The following TMEM178B variants were observed in gnomAD, a reference collection of about 807,000 sequenced individuals.
TMEM178B encodes transmembrane protein 178B.
Under a neutral mutation model 31.0 loss-of-function variants are expected in TMEM178B, and 5 were observed. The observed-to-expected ratio is 0.16, with a 90% CI of 0.08 to 0.34. TMEM178B has a LOEUF of 0.34. Ranked by LOEUF, TMEM178B falls within the 10% of genes least tolerant of loss-of-function variation. The pLI is 1.00. For synonymous variants in TMEM178B, 164 were observed against 164.0 expected (o/e 1.00, Z 0.00); for missense variants, 275 against 400.3 (o/e 0.69, Z 2.67).
intron 1 of TMEM178B, among the ~76,000 whole-genome samples, chr7:141,120,170 G>A (rs1795386299): frequency 6.6e-6 from 1 of 152,176 alleles, no homozygotes; most frequent in African/African-American, 2.4e-5. Flanking sequence ...AGCCCTGCAT[G>A]GAGTCTCAAC....
chr7:141,481,339 A>G (rs138202191), downstream of TMEM178B, among the ~76,000 whole-genome samples: 1,611 of 152,288 alleles, frequency 0.011, 27 homozygotes, highest in African/African-American at 0.037. Flanking sequence ...GGAATAGACA[A>G]TTCCCCAAAC....
intron 2 of TMEM178B, among the ~76,000 whole-genome samples, chr7:141,370,429 A>G (rs1800095599): frequency 6.6e-6 from 1 of 152,172 alleles, no homozygotes; most frequent in Non-Finnish European, 1.5e-5. Context: ...TGCATAAGAC[A>G]TGGTATCTGC....
intron 1 of TMEM178B, among the ~76,000 whole-genome samples, chr7:141,101,302 C>A (rs539889460): frequency 1.3e-4 from 20 of 152,300 alleles, no homozygotes; most frequent in African/African-American, 4.6e-4. Context: ...ATGTTTCATG[C>A]AGTCTTTCTG....
intron 2 of TMEM178B, among the ~76,000 whole-genome samples, chr7:141,417,716 A>G (rs1014451476): frequency 2.0e-5 from 3 of 152,164 alleles, no homozygotes; most frequent in African/African-American, 7.2e-5. Context: ...CTTCCACTGA[A>G]TGTGCCTGTG....
At position 141,418,390 on chromosome 7, in the gene TMEM178B, G is replaced by A. The variant is rs574411445; in HGVS notation, c.497-19218G>A. 2.4e-4 allele frequency among the ~76,000 whole-genome samples: 36 copies of A among 152,166 alleles called. No individual in the cohort carries two copies. In the East Asian group the frequency reaches 6.8e-3, roughly 29 times the overall value. On this transcript the variant is annotated intron_variant, in intron 2 of 3. Transcript: ENST00000565468. ...TCTTCTAGTTATAAATCTAGTAGGG[G>A]CCACGCAGGAAAAAAAACATGCTGT...
rs114229783 is a variant in TMEM178B, at chr7:141,280,681, G to C, written c.496+67977G>C. On this transcript the variant is annotated intron_variant, in intron 2 of 3. Transcript: ENST00000565468. ...CACTAACAAAACTCCATTTTCTGGG[G>C]CAGCTTTCTTTAGCATGGAGTTGCT... is the stretch of plus-strand genomic sequence containing the variant. 2.0e-3 allele frequency among the ~76,000 whole-genome samples: 300 copies of C among 152,288 alleles called. 1 individual carries two copies. The highest frequency in any genetic ancestry group is 6.9e-3 in the African/African-American group (286 of 41,570).
intron 1 of TMEM178B, among the ~76,000 whole-genome samples, chr7:141,123,725 C>T (rs1478012847): frequency 6.6e-6 from 1 of 152,180 alleles, no homozygotes; most frequent in Non-Finnish European, 1.5e-5. Flanking sequence ...CTGCTTACTT[C>T]TCCTTTCTTA....
At chr7:141,462,418 C>T (rs1378561670) in intron 3 of TMEM178B, among the ~76,000 whole-genome samples, 1 of 151,772 alleles carries the variant, frequency 6.6e-6, no homozygotes, top group Non-Finnish European at 1.5e-5. Flanking sequence ...ATGAACCAGT[C>T]GTGGGAGTTC....
At chr7:141,343,006 C>T (rs995989284) in intron 2 of TMEM178B, among the ~76,000 whole-genome samples, 4 of 152,338 alleles carry the variant, frequency 2.6e-5, no homozygotes, top group African/African-American at 9.6e-5. Context: ...ACCCGGATGG[C>T]TCAGGAGAGA....
the TMEM178B span, among the ~76,000 whole-genome samples, chr7:141,506,481 T>C: frequency 3.5e-4 from 53 of 152,184 alleles, no homozygotes; most frequent in Admixed American, 3.5e-3. Context: ...GAGAAACCCC[T>C]GATAAACCCA....
intron 2 of TMEM178B, among the ~76,000 whole-genome samples, chr7:141,387,056 G>T (rs1800444521): frequency 6.6e-6 from 1 of 152,108 alleles, no homozygotes; most frequent in South Asian, 2.1e-4. Flanking sequence ...GGAGGGTGAG[G>T]CCATTCCTAG....
intron 2 of TMEM178B, among the ~76,000 whole-genome samples, chr7:141,236,307 G>A (rs1305231865): frequency 6.6e-6 from 1 of 152,196 alleles, no homozygotes; most frequent in Non-Finnish European, 1.5e-5. Flanking sequence ...GCACAGAAAG[G>A]GAAAGAAGGG....
intron 2 of TMEM178B, among the ~76,000 whole-genome samples, chr7:141,251,565 A>G (rs1797834171): frequency 1.3e-5 from 2 of 152,158 alleles, no homozygotes; most frequent in South Asian, 4.1e-4. Context: ...CACTTAGCCT[A>G]CAAGATTACT....
downstream of TMEM178B, among the ~76,000 whole-genome samples, chr7:141,482,198 T>C (rs1458778102): frequency 6.6e-6 from 1 of 152,192 alleles, no homozygotes; most frequent in Non-Finnish European, 1.5e-5. Context: ...CAAATGTTCC[T>C]AGTGAGAGCT....
intron 2 of TMEM178B, among the ~76,000 whole-genome samples, chr7:141,339,502 C>G (rs1190249424): frequency 6.6e-6 from 1 of 152,158 alleles, no homozygotes; most frequent in Non-Finnish European, 1.5e-5. Flanking sequence ...CAAGACTACA[C>G]TTCAGCAAAA....
intron 2 of TMEM178B, among the ~76,000 whole-genome samples, chr7:141,225,045 A>C (rs1165595988): frequency 1.3e-5 from 2 of 152,224 alleles, no homozygotes; most frequent in Non-Finnish European, 1.5e-5. Flanking sequence ...GGTGCACCAC[A>C]GTGCCTACCA....
intron 2 of TMEM178B, among the ~76,000 whole-genome samples, chr7:141,314,805 T>G (rs1798973472): frequency 6.6e-6 from 1 of 152,182 alleles, no homozygotes; most frequent in Non-Finnish European, 1.5e-5. Context: ...CTCCTCCCAC[T>G]GAGACCTCAA....
At chr7:141,413,613 A>C (rs1801043329) in intron 2 of TMEM178B, among the ~76,000 whole-genome samples, 1 of 152,206 alleles carries the variant, frequency 6.6e-6, no homozygotes. Context: ...GCAGCTGCTG[A>C]TAGTATTTGG....
chr7:141,078,331 C>T (rs1327352578), intron 1 of TMEM178B, among the ~76,000 whole-genome samples: 1 of 152,124 alleles, frequency 6.6e-6, no homozygotes, highest in Non-Finnish European at 1.5e-5. Flanking sequence ...TCAACTGATA[C>T]TCTAAGAACT....
Sources: allele counts gnomAD v4.1 joint callset (sites outside exome capture counted in the v4.1 genomes callset), GRCh38; gene constraint gnomAD v4.1.1; transcripts MANE v1.5; gene names NCBI Gene and HGNC (gene_info 2026-07-23, HGNC 2026-07-21).